Variants in LSAMP observed in about 807,000 individuals in gnomAD.
The protein encoded by LSAMP is limbic system associated membrane protein.
In LSAMP, 7 loss-of-function variants were observed where a neutral mutation model predicts 38.6. That is an observed-to-expected ratio of 0.18 (90% CI 0.10 to 0.34). The LOEUF is 0.34. Among genes scored for constraint, LSAMP ranks in the 10% least tolerant of loss-of-function variants. LSAMP has a pLI of 1.00. For missense variants in LSAMP, 313 were observed against 420.0 expected (o/e 0.75, Z 2.23); for synonymous variants, 154 against 166.8 (o/e 0.92, Z 0.59).
chr3:116,162,897 C>T (rs1294280450), intron 1 of LSAMP, among the ~76,000 whole-genome samples: 1 of 151,948 alleles, frequency 6.6e-6, no homozygotes, highest in African/African-American at 2.4e-5. Context: ...TTCTCCCTCT[C>T]AAGGTGCTCC....
intron 2 of LSAMP, among the ~76,000 whole-genome samples, chr3:116,067,471 A>G (rs1388142686): frequency 2.0e-5 from 3 of 152,206 alleles, no homozygotes; most frequent in Non-Finnish European, 2.9e-5. Flanking sequence ...CAGCCGAGGT[A>G]TATAAATATG....
intron 1 of LSAMP, among the ~76,000 whole-genome samples, chr3:116,382,332 G>T (rs916174615): frequency 6.6e-6 from 1 of 151,874 alleles, no homozygotes; most frequent in African/African-American, 2.4e-5. Flanking sequence ...CCATAAAAAA[G>T]GATGAGTTCA....
At chr3:115,843,129 T>A (rs1559846709) in intron 4 of LSAMP, among the ~76,000 whole-genome samples, 3 of 152,224 alleles carry the variant, frequency 2.0e-5, no homozygotes, top group Non-Finnish European at 4.4e-5. Flanking sequence ...GGTGACTACC[T>A]TCTTTTATTT....
At chr3:115,981,586 C>A (rs1436725910) in intron 3 of LSAMP, among the ~76,000 whole-genome samples, 1 of 152,148 alleles carries the variant, frequency 6.6e-6, no homozygotes, top group Non-Finnish European at 1.5e-5. Context: ...GGTTACTAGT[C>A]ACATGAAATG....
intron 3 of LSAMP, among the ~76,000 whole-genome samples, chr3:115,870,759 G>A (rs1467081497): frequency 6.6e-6 from 1 of 152,182 alleles, no homozygotes; most frequent in African/African-American, 2.4e-5. Flanking sequence ...AACTATTTCA[G>A]CATGTATCCT....
intron 1 of LSAMP, among the ~76,000 whole-genome samples, chr3:116,417,166 CA>C (rs1218339588): frequency 2.0e-5 from 3 of 152,068 alleles, no homozygotes; most frequent in African/African-American, 4.8e-5. Flanking sequence ...GTGTATCAAC[CA>C]AAAATTCAGA....
chr3:115,907,504 T>C (rs1160280579), intron 3 of LSAMP, among the ~76,000 whole-genome samples: 1 of 152,104 alleles, frequency 6.6e-6, no homozygotes, highest in Non-Finnish European at 1.5e-5. Context: ...TCCAGAACTG[T>C]GAGAAATAAA....
At chr3:115,837,230 T>C (rs1297406215) in intron 6 of LSAMP, among the ~76,000 whole-genome samples, 2 of 152,202 alleles carry the variant, frequency 1.3e-5, no homozygotes, top group Non-Finnish European at 2.9e-5. Context: ...TAATGATATT[T>C]TAAAGTTTAA....
chr3:116,034,881 A>G (rs2107709108), intron 2 of LSAMP, among the ~76,000 whole-genome samples: 1 of 152,180 alleles, frequency 6.6e-6, no homozygotes, highest in East Asian at 1.9e-4. Flanking sequence ...CTTCTCCAAC[A>G]TATTTAACAT....
chr3:116,292,096 T>G (rs1326569021), intron 1 of LSAMP, among the ~76,000 whole-genome samples: 4 of 152,216 alleles, frequency 2.6e-5, no homozygotes, highest in Non-Finnish European at 5.9e-5. Context: ...AGTGAGTTAA[T>G]TTAAAATTTA....
chr3:116,058,662 G>C (rs899243348), intron 2 of LSAMP, among the ~76,000 whole-genome samples: 1 of 152,036 alleles, frequency 6.6e-6, no homozygotes, highest in African/African-American at 2.4e-5. Flanking sequence ...AACATTCAGA[G>C]TCTTTACTTT....
chr3:115,842,043 A>T (rs773875095), intron 5 of LSAMP, 50 bp from the exon 6 acceptor site: 4 of 1,553,578 alleles, frequency 2.6e-6, no homozygotes, highest in Non-Finnish European at 3.5e-6. Flanking sequence ...TGAAGATTTT[A>T]GCTTAGGAAT....
intron 3 of LSAMP, among the ~76,000 whole-genome samples, chr3:115,896,660 G>A (rs1351644131): frequency 2.0e-5 from 3 of 152,072 alleles, no homozygotes; most frequent in African/African-American, 7.2e-5. Context: ...GCAAAACAAT[G>A]TAGATAATCA....
chr3:116,016,996 A>G (rs1940503124), intron 3 of LSAMP, among the ~76,000 whole-genome samples: 1 of 152,124 alleles, frequency 6.6e-6, no homozygotes, highest in Admixed American at 6.6e-5. Flanking sequence ...CTCTGAGTTT[A>G]TGTAAATACA....
chr3:115,987,847 A>G (rs1939556348), intron 3 of LSAMP, among the ~76,000 whole-genome samples: 1 of 152,160 alleles, frequency 6.6e-6, no homozygotes, highest in Admixed American at 6.6e-5. Flanking sequence ...GCTATTTAAA[A>G]ATTGCATGGA....
intron 1 of LSAMP, among the ~76,000 whole-genome samples, chr3:116,093,613 G>A (rs963090265): frequency 6.6e-6 from 1 of 152,110 alleles, no homozygotes; most frequent in Non-Finnish European, 1.5e-5. Flanking sequence ...TTTCATAATC[G>A]TAAAATGATG....
At chr3:115,892,801 T>A (rs1354316696) in intron 3 of LSAMP, among the ~76,000 whole-genome samples, 2 of 149,986 alleles carry the variant, frequency 1.3e-5, no homozygotes, top group African/African-American at 4.9e-5. Context: ...AAGTAGTATA[T>A]ATGAGTATGC....
chr3:116,016,120 T>G (rs76167234), intron 3 of LSAMP, among the ~76,000 whole-genome samples: 2,785 of 152,144 alleles, frequency 0.018, 84 homozygotes, highest in African/African-American at 0.063. Context: ...GTTTGTAATC[T>G]CCAAGAAAGA....
intron 3 of LSAMP, among the ~76,000 whole-genome samples, chr3:115,919,785 T>C (rs1164343163): frequency 6.6e-6 from 1 of 152,140 alleles, no homozygotes; most frequent in Non-Finnish European, 1.5e-5. Flanking sequence ...CTAATTTTTG[T>C]ATTTTTAGTA....
Sources: gnomAD v4.1 joint callset for allele counts (sites outside exome capture counted in the v4.1 genomes callset) on GRCh38, gnomAD v4.1.1 for gene constraint, MANE v1.5 for transcripts, NCBI Gene and HGNC (gene_info 2026-07-23, HGNC 2026-07-21) for gene names.